The following SYN2 variants were observed in gnomAD, a reference collection of about 807,000 sequenced individuals.
The protein encoded by SYN2 is synapsin II.
SYN2 carries 19 observed loss-of-function variants against 50.9 expected under a neutral mutation model. The observed-to-expected ratio is 0.37, with a 90% CI of 0.26 to 0.55. The LOEUF is 0.55. SYN2 is among the 20% of genes least tolerant of loss of function. SYN2 has a pLI of 0.81. For missense variants in SYN2, 587 were observed against 576.4 expected (o/e 1.02, Z -0.19); for synonymous variants, 255 against 224.9 (o/e 1.13, Z -1.20).
At chr3:12,030,636 T>C (rs1199446317) in intron 1 of SYN2, among the ~76,000 whole-genome samples, 1 of 143,160 alleles carries the variant, frequency 7.0e-6, no homozygotes, top group Non-Finnish European at 1.5e-5. Flanking sequence ...AATGTATCCA[T>C]TTCTTCTAGA....
At chr3:12,100,920 CACTACGAGAT>C (rs1696059804) in intron 1 of SYN2, among the ~76,000 whole-genome samples, 1 of 151,984 alleles carries the variant, frequency 6.6e-6, no homozygotes, top group Admixed American at 6.5e-5. Flanking sequence ...AAATCAAAAC[CACTACGAGAT>C]ACTATTTCAC....
intron 1 of SYN2, among the ~76,000 whole-genome samples, chr3:12,038,025 T>A (rs187483106): frequency 2.0e-5 from 3 of 152,316 alleles, no homozygotes; most frequent in African/African-American, 7.2e-5. Context: ...CTTCTAATAG[T>A]TTTATAGTTT....
At chr3:12,153,248 T>C (rs1017694767) in intron 5 of SYN2, 5 of 536,412 alleles carry the variant, frequency 9.3e-6, no homozygotes, top group Non-Finnish European at 1.7e-5. Context: ...GTCCTGGCTT[T>C]AGAAAACAGA....
chr3:12,120,573 T>C (rs1696533656), intron 1 of SYN2, among the ~76,000 whole-genome samples: 1 of 152,218 alleles, frequency 6.6e-6, no homozygotes, highest in South Asian at 2.1e-4. Context: ...GGCTGTGTCT[T>C]TCAGAGAAAG....
chr3:12,173,492 A>G (rs1697982500), intron 10 of SYN2, among the ~76,000 whole-genome samples: 1 of 151,810 alleles, frequency 6.6e-6, no homozygotes, highest in South Asian at 2.1e-4. Context: ...TCCACCATCA[A>G]TTTCTCTTTT....
chr3:12,178,155 G>C (rs1698130700), intron 10 of SYN2, among the ~76,000 whole-genome samples: 1 of 152,176 alleles, frequency 6.6e-6, no homozygotes, highest in African/African-American at 2.4e-5. Flanking sequence ...GCGGGGCCTG[G>C]GGGAGCTGAT....
In SYN2 at chr3:12,157,419, T is replaced by C. The variant is rs1697490180; in HGVS notation, c.775-4127T>C. Reference sequence around the variant, plus strand: ...TTTGATTTCATACCGGAGCATTTTTTCAGTGTCAGCAGGGTCTGCACTGGC... The same window carrying C: ...TTTGATTTCATACCGGAGCATTTTTCCAGTGTCAGCAGGGTCTGCACTGGC... On this transcript the variant is annotated intron_variant, in intron 5 of 12. Transcript: ENST00000621198. 2 of 1,614,112 alleles carry C rather than the reference T, an allele frequency of 1.2e-6. No homozygotes were observed.
chr3:12,177,546 G>C (rs1431213970), intron 10 of SYN2, among the ~76,000 whole-genome samples: 1 of 152,140 alleles, frequency 6.6e-6, no homozygotes, highest in Non-Finnish European at 1.5e-5. Flanking sequence ...CCCGGCATGG[G>C]ACTAACAGGG....
At chr3:12,080,906 T>G (rs1357230920) in intron 1 of SYN2, among the ~76,000 whole-genome samples, 1 of 152,070 alleles carries the variant, frequency 6.6e-6, no homozygotes. Flanking sequence ...CCCACTGGAA[T>G]TTTTTAGGGT....
chr3:12,062,062 G>A (rs79275990), intron 1 of SYN2, among the ~76,000 whole-genome samples: 228 of 151,988 alleles, frequency 1.5e-3, no homozygotes, highest in African/African-American at 4.8e-3. Flanking sequence ...CAGAATAGCC[G>A]ACATAATACT....
At chr3:12,009,903 C>T (rs1693880608) in intron 1 of SYN2, among the ~76,000 whole-genome samples, 1 of 152,134 alleles carries the variant, frequency 6.6e-6, no homozygotes, top group African/African-American at 2.4e-5. Context: ...GAGTTCAAGA[C>T]CAGCAACACG....
At chr3:12,174,984 C>T (rs1354580322) in intron 10 of SYN2, among the ~76,000 whole-genome samples, 1 of 152,102 alleles carries the variant, frequency 6.6e-6, no homozygotes, top group Non-Finnish European at 1.5e-5. Context: ...ATGGCTATAT[C>T]TCTAGGGCCA....
intron 1 of SYN2, among the ~76,000 whole-genome samples, chr3:12,119,166 C>CT (rs1310298224): frequency 6.6e-6 from 1 of 151,752 alleles, no homozygotes; most frequent in African/African-American, 2.4e-5. Flanking sequence ...TTCTTTGGTC[C>CT]TTAGAGAAGC....
chr3:12,154,269 T>C (rs1322973876), intron 5 of SYN2: 5 of 1,609,484 alleles, frequency 3.1e-6, no homozygotes, highest in Non-Finnish European at 3.4e-6. Context: ...CATGCATGAA[T>C]GAAGGCTCAG....
intron 1 of SYN2, chr3:12,070,569 C>T: frequency 7.8e-7 from 1 of 1,274,712 alleles, no homozygotes; most frequent in Non-Finnish European, 1.1e-6. Flanking sequence ...CCTTGTGAAC[C>T]CCAAGGCCAA....
chr3:12,026,188 G>A (rs896716889), intron 1 of SYN2, among the ~76,000 whole-genome samples: 1 of 152,062 alleles, frequency 6.6e-6, no homozygotes, highest in African/African-American at 2.4e-5. Flanking sequence ...GGATCCTCTG[G>A]ATATTATTAC....
At chr3:12,153,557 G>A (rs767028071) in intron 5 of SYN2, 1 of 1,613,998 alleles carries the variant, frequency 6.2e-7, no homozygotes, top group Non-Finnish European at 8.5e-7. Context: ...TGAGAGGCAG[G>A]TGGCCCCGGT....
intron 1 of SYN2, among the ~76,000 whole-genome samples, chr3:12,087,220 A>G (rs1403179042): frequency 1.3e-5 from 2 of 152,214 alleles, no homozygotes; most frequent in Non-Finnish European, 2.9e-5. Context: ...AGATGACACA[A>G]TAAATGGAAA....
chr3:12,130,902 C>T (rs1360681479), intron 1 of SYN2, among the ~76,000 whole-genome samples: 1 of 152,194 alleles, frequency 6.6e-6, no homozygotes, highest in Non-Finnish European at 1.5e-5. Flanking sequence ...GAAACTACTG[C>T]AGGAGAGGAG....
Sources: allele counts gnomAD v4.1 joint callset (sites outside exome capture counted in the v4.1 genomes callset), GRCh38; gene constraint gnomAD v4.1.1; transcripts MANE v1.5; gene names NCBI Gene and HGNC (gene_info 2026-07-23, HGNC 2026-07-21).